The following NKAIN2 variants were observed in gnomAD, a reference collection of about 807,000 sequenced individuals.
NKAIN2 encodes the protein sodium/potassium transporting ATPase interacting 2, also known as sodium/potassium-transporting ATPase subunit beta-1-interacting protein 2.
Under a neutral mutation model 32.6 loss-of-function variants are expected in NKAIN2, and 14 were observed. The observed-to-expected ratio is 0.43, with a 90% CI of 0.28 to 0.67. The LOEUF is 0.67. NKAIN2 is among the 30% of genes least tolerant of loss of function. The pLI is 0.17. For missense variants in NKAIN2, 198 were observed against 258.3 expected (o/e 0.77, Z 1.60); for synonymous variants, 80 against 87.2 (o/e 0.92, Z 0.46).
chr6:123,823,793 G>A (rs1168728166), intron 1 of NKAIN2, among the ~76,000 whole-genome samples: 1 of 152,114 alleles, frequency 6.6e-6, no homozygotes, highest in Admixed American at 6.6e-5. Context: ...AACCAGAAGG[G>A]TGAAACACTG....
At chr6:124,617,158 G>A (rs1782938163) in intron 3 of NKAIN2, among the ~76,000 whole-genome samples, 1 of 152,134 alleles carries the variant, frequency 6.6e-6, no homozygotes, top group African/African-American at 2.4e-5. Context: ...TGTAAGAATT[G>A]ATAGATAAGT....
chr6:124,807,487 G>A (rs1426860250), intron 5 of NKAIN2, among the ~76,000 whole-genome samples: 17 of 151,130 alleles, frequency 1.1e-4, no homozygotes, highest in Non-Finnish European at 1.8e-4. Flanking sequence ...CGCATTCAAA[G>A]CAGTGTGTAG....
chr6:123,813,734 C>G (rs1342359022), intron 1 of NKAIN2, among the ~76,000 whole-genome samples: 1 of 152,068 alleles, frequency 6.6e-6, no homozygotes, highest in Non-Finnish European at 1.5e-5. Context: ...ATTGCTTGAA[C>G]CTGGGAGGCA....
At chr6:123,935,634 A>G (rs957918655) in intron 1 of NKAIN2, among the ~76,000 whole-genome samples, 1 of 152,124 alleles carries the variant, frequency 6.6e-6, no homozygotes, top group African/African-American at 2.4e-5. Context: ...AATATGTTCC[A>G]ATACTATACT....
chr6:124,212,110 T>G (rs1791210232), intron 1 of NKAIN2, among the ~76,000 whole-genome samples: 1 of 152,138 alleles, frequency 6.6e-6, no homozygotes, highest in Admixed American at 6.6e-5. Context: ...TTTTAAGAAG[T>G]AAATGTAAAA....
chr6:123,848,495 G>C (rs974987910), intron 1 of NKAIN2, among the ~76,000 whole-genome samples: 1 of 152,106 alleles, frequency 6.6e-6, no homozygotes, highest in Non-Finnish European at 1.5e-5. Context: ...TTTTATAAGG[G>C]ACTTTTCACC....
intron 5 of NKAIN2, among the ~76,000 whole-genome samples, chr6:124,795,895 T>A (rs1192726699): frequency 1.3e-5 from 2 of 152,160 alleles, no homozygotes; most frequent in African/African-American, 4.8e-5. Context: ...AAAATATGAA[T>A]TGGGGAGGGA....
At chr6:124,610,255 G>T (rs897377028) in intron 3 of NKAIN2, among the ~76,000 whole-genome samples, 1 of 152,170 alleles carries the variant, frequency 6.6e-6, no homozygotes, top group Non-Finnish European at 1.5e-5. Context: ...GCACAAACAA[G>T]ATCACATTAT....
chr6:123,899,587 C>T (rs993344345), intron 1 of NKAIN2, among the ~76,000 whole-genome samples: 1 of 152,192 alleles, frequency 6.6e-6, no homozygotes, highest in Non-Finnish European at 1.5e-5. Context: ...GCACCTCATG[C>T]ACTGGTAAAT....
intron 1 of NKAIN2, among the ~76,000 whole-genome samples, chr6:123,993,977 TC>T (rs1779513436): frequency 6.6e-6 from 1 of 152,194 alleles, no homozygotes. Context: ...CTTCTGAAAC[TC>T]ACTTTGTCTT....
At position 124,816,112 on chromosome 6, in the gene NKAIN2, A is replaced by G. The variant is rs909187218; in HGVS notation, c.536-2275A>G. Among the ~76,000 whole-genome samples, 5 of 152,188 alleles carry G rather than the reference A, an allele frequency of 3.3e-5. No individual in the cohort carries two copies. The East Asian group carries it at 9.6e-4, about 29-fold the overall frequency. On this transcript the variant is annotated intron_variant, in intron 5 of 6. Transcript: ENST00000368417. ...AAAGGGTTTCCCATGCAAAAAAGAA[A>G]TGCAGTATCAAGCCATGAAAAGTCC...
At chr6:123,944,718 A>C (rs1776987214) in intron 1 of NKAIN2, among the ~76,000 whole-genome samples, 1 of 152,136 alleles carries the variant, frequency 6.6e-6, no homozygotes, top group Non-Finnish European at 1.5e-5. Context: ...TAGAGAGTTT[A>C]CTTTGGGATC....
chr6:124,569,298 T>C (rs1206797367), intron 3 of NKAIN2, among the ~76,000 whole-genome samples: 2 of 152,178 alleles, frequency 1.3e-5, no homozygotes, highest in Non-Finnish European at 2.9e-5. Flanking sequence ...CTCTCACAGA[T>C]TTTTTTCTAC....
chr6:124,400,636 T>C (rs1158616939), intron 3 of NKAIN2, among the ~76,000 whole-genome samples: 1 of 152,172 alleles, frequency 6.6e-6, no homozygotes, highest in African/African-American at 2.4e-5. Context: ...ATTTCTTTCT[T>C]TTTTCTCTTC....
chr6:124,375,662 A>T lies in NKAIN2; in HGVS notation c.273+20315A>T, dbSNP rs539424227. ...AAAAACTGAGGTAGAGCAGATAAAA[A>T]TCAGAAAAGGTGCTCCCCATTCAGC... On this transcript the variant is annotated intron_variant, in intron 3 of 6. Coordinates refer to ENST00000368417, the MANE Select transcript of NKAIN2 (RefSeq NM_001040214.3). Among the ~76,000 whole-genome samples the T allele has an allele frequency of 6.6e-5, 10 of 152,120 alleles. No individual in the cohort carries two copies. The South Asian group carries it at 2.1e-3, about 31-fold the overall frequency.
intron 1 of NKAIN2, among the ~76,000 whole-genome samples, chr6:124,094,544 G>C (rs984393538): frequency 6.6e-6 from 1 of 152,248 alleles, no homozygotes; most frequent in Middle Eastern, 3.4e-3. Context: ...GGTAAGAAGA[G>C]TAAAGAAGAT....
In NKAIN2 at chr6:123,980,837, G is replaced by A. The variant is rs557714221; in HGVS notation, c.54+176583G>A. 1.8e-4 allele frequency among the ~76,000 whole-genome samples: 28 copies of A among 151,666 alleles called. No homozygotes were observed. In the South Asian group the frequency reaches 5.2e-3, roughly 28 times the overall value. On this transcript the variant is annotated intron_variant, in intron 1 of 6. Coordinates refer to ENST00000368417, the MANE Select transcript of NKAIN2 (RefSeq NM_001040214.3). ...GAATGGAATAAGAGAGAGATCTTGG[G>A]ATTAAGTGGGGGTGTTCTATGCTTT...
chr6:124,286,843 G>C (rs1002635198), intron 2 of NKAIN2, among the ~76,000 whole-genome samples: 1 of 151,754 alleles, frequency 6.6e-6, no homozygotes, highest in East Asian at 1.9e-4. Flanking sequence ...CATCATGCCC[G>C]GCTCATTTTT....
intron 1 of NKAIN2, among the ~76,000 whole-genome samples, chr6:124,123,258 G>A (rs1785980334): frequency 6.6e-6 from 1 of 151,956 alleles, no homozygotes; most frequent in South Asian, 2.1e-4. Context: ...CTCTCTGATG[G>A]AAGACAGCTC....
Sources: gnomAD v4.1 joint callset for allele counts (sites outside exome capture counted in the v4.1 genomes callset) on GRCh38, gnomAD v4.1.1 for gene constraint, MANE v1.5 for transcripts, NCBI Gene and HGNC (gene_info 2026-07-23, HGNC 2026-07-21) for gene names.